The following TTC1 variants were observed in gnomAD, a reference collection of about 807,000 sequenced individuals.
TTC1 encodes tetratricopeptide repeat domain 1.
A neutral mutation model predicts 37.6 loss-of-function variants in TTC1; 31 were observed. The ratio of observed to expected loss-of-function variants is 0.82; its 90% CI spans 0.62 to 1.11. The LOEUF (loss-of-function observed/expected upper bound fraction) is 1.11, where lower values mean the gene tolerates loss of function less well. TTC1 is among the 50% of genes most tolerant of loss of function. The pLI, the probability that TTC1 is intolerant of heterozygous loss-of-function variation, is 0.00. For synonymous variants in TTC1, 127 were observed against 122.4 expected, an observed-to-expected ratio of 1.04 and a Z score of -0.25; for missense variants, 351 against 339.0, an observed-to-expected ratio of 1.04 and a Z score of -0.28.
chr5:160,034,147 T>TA (rs1756964542), intron 2 of TTC1, among the ~76,000 whole-genome samples: 1 of 149,330 alleles, frequency 6.7e-6, no homozygotes, highest in Non-Finnish European at 1.5e-5. Context: ...TTTTTTTTTT[T>TA]AAGGGACTTT....
At chr5:160,047,186 G>A (rs568200949) in intron 5 of TTC1, among the ~76,000 whole-genome samples, 1 of 152,062 alleles carries the variant, frequency 6.6e-6, no homozygotes, top group African/African-American at 2.4e-5. Flanking sequence ...CTAGTGTCCT[G>A]TATCCCACTG....
intron 7 of TTC1, among the ~76,000 whole-genome samples, chr5:160,058,152 C>T (rs1486662035): frequency 6.6e-6 from 1 of 152,192 alleles, no homozygotes; most frequent in Non-Finnish European, 1.5e-5. Context: ...TCTCAAGAAA[C>T]CACTTTTTTT....
chr5:160,045,397 T>C (rs960417318), intron 5 of TTC1, among the ~76,000 whole-genome samples: 1 of 149,986 alleles, frequency 6.7e-6, no homozygotes, highest in African/African-American at 2.5e-5. Context: ...CATAGGCAAA[T>C]TACATTTATA....
intron 2 of TTC1, among the ~76,000 whole-genome samples, chr5:160,026,996 A>G (rs1756817204): frequency 7.0e-6 from 1 of 143,802 alleles, no homozygotes; most frequent in South Asian, 2.3e-4. Flanking sequence ...ATCTTTTTAT[A>G]GTCTACTTTA....
In TTC1 at chr5:160,036,818, C is replaced by G. The variant is rs758232722; in HGVS notation, c.504+15C>G. The G allele has an allele frequency of 3.2e-6, 5 of 1,578,826 alleles. No homozygotes were observed. The South Asian group carries it at 5.5e-5, about 17-fold the overall frequency. ...GGATGAAACAGGTATGTATCTGTGA[C>G]CTTTTCTTTTTAAAAAGCACATGGA... On this transcript the variant is annotated intron_variant, in intron 4 of 7. Transcript: ENST00000231238.
At chr5:160,059,217 C>CT (rs1191543001) in intron 7 of TTC1, among the ~76,000 whole-genome samples, 3 of 152,186 alleles carry the variant, frequency 2.0e-5, no homozygotes, top group Non-Finnish European at 2.9e-5. Context: ...TAAAAACATG[C>CT]TTAGTGTAGC....
Position 160,037,742 on chromosome 5 carries a change from C to A in TTC1, c.504+939C>A, listed in dbSNP as rs142066988. On this transcript the variant is annotated intron_variant, in intron 4 of 7. Transcript: ENST00000231238. ...TTTGTTTCTGATTTGTCTGATTTTC[C>A]GATTTAGTCTTCATAATCCTTGGAT... Among the ~76,000 whole-genome samples, 14 of 151,464 alleles carry A rather than the reference C, an allele frequency of 9.2e-5. No individual in the cohort carries two copies. In the East Asian group the frequency reaches 2.7e-3, roughly 29 times the overall value.
At chr5:160,034,126 CTTTTTTTTTTT>C (rs978923159) in intron 2 of TTC1, among the ~76,000 whole-genome samples, 1 of 114,562 alleles carries the variant, frequency 8.7e-6, no homozygotes, top group Admixed American at 8.8e-5. Context: ...GACCCTATCT[CTTTTTTTTTTT>C]TTTTTTTTTT....
At chr5:160,041,287 T>C (rs534216921) in intron 4 of TTC1, among the ~76,000 whole-genome samples, 1 of 151,934 alleles carries the variant, frequency 6.6e-6, no homozygotes, top group African/African-American at 2.4e-5. Flanking sequence ...TATTATCAAG[T>C]ATTATGTATG....
chr5:160,010,893 T>C, intron 2 of TTC1, 35 bp downstream of exon 2: 1 of 1,568,146 alleles, frequency 6.4e-7, no homozygotes, highest in Non-Finnish European at 8.7e-7. Context: ...GATCTGCCAC[T>C]TACACTGCAT....
At position 160,043,160 on chromosome 5, in the gene TTC1, T is replaced by A; in HGVS notation, c.532T>A (p.Cys178Ser). Residue 178 changes from cysteine to serine, a missense_variant, in exon 5 of 8, where the codon TGC becomes AGC. Coordinates refer to ENST00000231238, the MANE Select transcript of TTC1 (RefSeq NM_003314.3). Reference protein sequence around the residue: ...QDKKEMAINDCSKAIQLNPSY... With the variant: ...QDKKEMAINDSSKAIQLNPSY... Reference sequence around the variant, plus strand: ...CAAGAAAGAAATGGCCATCAATGACTGCAGCAAAGGTACAGCTTTATTATC... The same window carrying A: ...CAAGAAAGAAATGGCCATCAATGACAGCAGCAAAGGTACAGCTTTATTATC... 6.2e-7 allele frequency: 1 copy of A among 1,613,594 alleles called. No homozygotes were observed. Among genetic ancestry groups the A allele is most frequent in the Non-Finnish European group, 8.5e-7 (1 of 1,179,748 alleles).
rs1453265624 is a variant in TTC1, at chr5:160,010,499, G to A, written c.-29-1G>A. ...AGCAGTTTTGTTTTGTTTTCCCCCAGCTTTAGCGTCACCTCCCTCACTGGG... is the reference window on the plus strand; with the variant it reads ...AGCAGTTTTGTTTTGTTTTCCCCCAACTTTAGCGTCACCTCCCTCACTGGG... On this transcript the variant is annotated splice_acceptor_variant, in intron 1 of 7. Coordinates refer to ENST00000231238, the MANE Select transcript of TTC1 (RefSeq NM_003314.3). LOFTEE classifies it low-confidence loss of function (5UTR_SPLICE). 1 of 1,591,472 alleles carries A rather than the reference G, an allele frequency of 6.3e-7. No homozygotes were observed. Among genetic ancestry groups the A allele is most frequent in the Non-Finnish European group, 8.6e-7 (1 of 1,165,034 alleles).
Position 160,036,586 on chromosome 5 carries a change from A to G in TTC1, c.392-105A>G, listed in dbSNP as rs1055780815. On this transcript the variant is annotated intron_variant, in intron 3 of 7. Transcript: ENST00000231238. ...AGACTGTTACCATCTTTTAACTCAA[A>G]ACCTTCATCCTATGAATGGAAAACA... The G allele has an allele frequency of 4.0e-6, 3 of 758,876 alleles. No homozygotes were observed. In the East Asian group the frequency reaches 7.9e-5, roughly 20 times the overall value. 47.0% of individuals were successfully genotyped at this position (758,876 alleles called of 1,614,324 possible).
At chr5:160,056,324 C>T (rs1271191057) in intron 7 of TTC1, among the ~76,000 whole-genome samples, 3 of 152,180 alleles carry the variant, frequency 2.0e-5, no homozygotes, top group African/African-American at 4.8e-5. Context: ...GGAACATATT[C>T]CTGGTGTCCT....
intron 2 of TTC1, among the ~76,000 whole-genome samples, chr5:160,012,937 A>G (rs1263093267): frequency 1.3e-5 from 2 of 151,820 alleles, no homozygotes; most frequent in African/African-American, 4.8e-5. Flanking sequence ...CTGGTTAACC[A>G]CTCTTCTGAT....
intron 7 of TTC1, among the ~76,000 whole-genome samples, chr5:160,058,783 A>T (rs1474495187): frequency 6.6e-6 from 1 of 152,134 alleles, no homozygotes; most frequent in Non-Finnish European, 1.5e-5. Context: ...TGTAAAATGG[A>T]TGTTGTGTTA....
At position 160,065,437 on chromosome 5, in the gene TTC1, T is replaced by C. The variant is rs1561644439; in HGVS notation, c.*372T>C. On this transcript the variant is annotated 3_prime_UTR_variant, in exon 8 of 8. Coordinates refer to ENST00000231238, the MANE Select transcript of TTC1 (RefSeq NM_003314.3). ...TGGTTGGGAGACTGCCCAGACATGA[T>C]TGATGACGGGTTCCCGCCTGCTGTC... is the stretch of plus-strand genomic sequence containing the variant. The C allele has an allele frequency of 2.1e-6, 1 of 465,804 alleles. No individual in the cohort carries two copies. Among genetic ancestry groups the C allele is most frequent in the African/African-American group, 2.0e-5 (1 of 50,682 alleles). 28.9% of individuals were successfully genotyped at this position (465,804 alleles called of 1,614,324 possible).
chr5:160,009,541 GCTT>G (rs1756455522), intron 1 of TTC1, among the ~76,000 whole-genome samples: 1 of 152,162 alleles, frequency 6.6e-6, no homozygotes, highest in Non-Finnish European at 1.5e-5. Flanking sequence ...CTCTGACTCA[GCTT>G]CTACAGCAGT....
chr5:160,032,417 A>G (rs1051824223), intron 2 of TTC1, among the ~76,000 whole-genome samples: 1 of 152,178 alleles, frequency 6.6e-6, no homozygotes, highest in Non-Finnish European at 1.5e-5. Flanking sequence ...TGGCTCTCCA[A>G]CATCCAACAC....
Sources: allele counts gnomAD v4.1 joint callset (sites outside exome capture counted in the v4.1 genomes callset), GRCh38; gene constraint gnomAD v4.1.1; transcripts MANE v1.5; gene names NCBI Gene and HGNC (gene_info 2026-07-23, HGNC 2026-07-21).